Variants in MICOS10 observed in about 807,000 individuals in gnomAD.
MICOS10 encodes MICOS complex subunit MIC10.
A neutral mutation model predicts 13.4 loss-of-function variants in MICOS10; 5 were observed. That is an observed-to-expected ratio of 0.37 (90% CI 0.20 to 0.78). The LOEUF (loss-of-function observed/expected upper bound fraction) is 0.78. Ranked by LOEUF, MICOS10 falls within the 30% of genes least tolerant of loss-of-function variation. MICOS10 has a pLI of 0.47. For synonymous variants in MICOS10, 35 were observed against 33.6 expected (o/e 1.04, Z -0.15); for missense variants, 101 against 94.6 (o/e 1.07, Z -0.28).
intron 1 of MICOS10, among the ~76,000 whole-genome samples, chr1:19,605,259 A>G (rs1471564729): frequency 6.6e-6 from 1 of 152,164 alleles, no homozygotes; most frequent in Non-Finnish European, 1.5e-5. Context: ...TTTTTAAACT[A>G]CTTTGTTGAG....
At chr1:19,624,137 C>T (rs998705356) in intron 3 of MICOS10, among the ~76,000 whole-genome samples, 9 of 151,950 alleles carry the variant, frequency 5.9e-5, no homozygotes, top group South Asian at 2.1e-4. Context: ...CCTGCCACCA[C>T]GCCTGGCTGA....
At chr1:19,626,326 T>C (rs1001606671) in intron 3 of MICOS10, 61 bp from the exon 4 acceptor site, 30 of 1,610,630 alleles carry the variant, frequency 1.9e-5, no homozygotes, top group Non-Finnish European at 2.2e-5. Context: ...GATACAGCAA[T>C]TAGAGAGGGT....
At chr1:19,620,847 G>C (rs1770492) in intron 1 of MICOS10, among the ~76,000 whole-genome samples, 16,643 of 152,160 alleles carry the variant, frequency 0.11, 3,082 homozygotes, top group African/African-American at 0.38. Context: ...TTTTCTCCTT[G>C]GGGGAAAATA....
chr1:19,626,336 T>C (rs904680264), intron 3 of MICOS10, 51 bp from the exon 4 acceptor site: 26 of 1,613,068 alleles, frequency 1.6e-5, no homozygotes, highest in Non-Finnish European at 2.1e-5. Context: ...TTAGAGAGGG[T>C]TGTCAGAATG....
intron 3 of MICOS10, chr1:19,625,542 C>T (rs374926684): frequency 1.4e-5 from 18 of 1,289,418 alleles, no homozygotes; most frequent in African/African-American, 4.5e-5. Flanking sequence ...AGCCGGCAGC[C>T]GGCCTTTTCC....
chr1:19,621,422 G>A (rs868805536), intron 1 of MICOS10, among the ~76,000 whole-genome samples: 101 of 152,298 alleles, frequency 6.6e-4, no homozygotes, highest in African/African-American at 2.3e-3. Context: ...TTTCCCTTGA[G>A]GGGTAGTAAT....
At chr1:19,618,112 CTTT>C (rs113033580) in intron 1 of MICOS10, among the ~76,000 whole-genome samples, 1 of 138,244 alleles carries the variant, frequency 7.2e-6, no homozygotes. Flanking sequence ...TTATACTACA[CTTT>C]TTTTTTTTTT....
At chr1:19,616,838 G>A (rs2094886102) in intron 1 of MICOS10, among the ~76,000 whole-genome samples, 1 of 152,098 alleles carries the variant, frequency 6.6e-6, no homozygotes, top group Admixed American at 6.6e-5. Context: ...TTATAATGTG[G>A]TACACTGCCT....
At chr1:19,608,012 A>T in intron 1 of MICOS10, 1 of 636,052 alleles carries the variant, frequency 1.6e-6, no homozygotes, top group East Asian at 2.6e-5. Flanking sequence ...ATAGAGAAAA[A>T]AATGAGCCTC....
At chr1:19,611,359 G>A (rs2094860521) in intron 1 of MICOS10, among the ~76,000 whole-genome samples, 1 of 151,004 alleles carries the variant, frequency 6.6e-6, no homozygotes, top group African/African-American at 2.4e-5. Context: ...ACATATTACT[G>A]TTTCAATCAC....
At chr1:19,625,749 T>C (rs910949776) in intron 3 of MICOS10, 9 of 1,087,856 alleles carry the variant, frequency 8.3e-6, no homozygotes, top group Non-Finnish European at 1.1e-5. Context: ...GAAAATATTG[T>C]TCCATTTTTT....
chr1:19,626,853 T>C lies in MICOS10; in HGVS notation c.*452T>C. ...TTGCTGCTGCGTGGCCTGATGGAGA[T>C]GACTGATGTCTTAAGGCGCCTTTCC... On this transcript the variant is annotated 3_prime_UTR_variant, in exon 4 of 4. Transcript: ENST00000322753. 5.6e-6 allele frequency: 1 copy of C among 178,814 alleles called. No individual in the cohort carries two copies. The highest frequency in any genetic ancestry group is 1.3e-4 in the South Asian group (1 of 7,434). The allele number at this position is 178,814 out of a possible 1,614,324, so 11.1% of individuals were successfully genotyped here.
At chr1:19,602,899 C>T (rs2094821179) in intron 1 of MICOS10, among the ~76,000 whole-genome samples, 1 of 152,086 alleles carries the variant, frequency 6.6e-6, no homozygotes, top group Admixed American at 6.6e-5. Context: ...GGGCTTGTCA[C>T]CCTGGACTGG....
At chr1:19,613,902 C>T (rs1377652819) in intron 1 of MICOS10, among the ~76,000 whole-genome samples, 5 of 152,106 alleles carry the variant, frequency 3.3e-5, no homozygotes, top group African/African-American at 7.2e-5. Context: ...AGTGACTTCA[C>T]CTTTCTGTGC....
At chr1:19,606,155 G>C (rs1432495397) in intron 1 of MICOS10, among the ~76,000 whole-genome samples, 1 of 152,092 alleles carries the variant, frequency 6.6e-6, no homozygotes, top group Non-Finnish European at 1.5e-5. Context: ...CAGCAGGAGT[G>C]GAAAAGAGAG....
At chr1:19,618,995 G>A (rs145863896) in intron 1 of MICOS10, among the ~76,000 whole-genome samples, 104 of 152,334 alleles carry the variant, frequency 6.8e-4, no homozygotes, top group African/African-American at 2.5e-3. Flanking sequence ...GAATATAGGA[G>A]CCTTGTTGAA....
chr1:19,620,016 G>C (rs2094897657), intron 1 of MICOS10, among the ~76,000 whole-genome samples: 1 of 152,226 alleles, frequency 6.6e-6, no homozygotes, highest in South Asian at 2.1e-4. Context: ...GCTTAAGCTA[G>C]GGAAGGCAAA....
At chr1:19,625,694 G>T in intron 3 of MICOS10, 1 of 1,226,214 alleles carries the variant, frequency 8.2e-7, no homozygotes, top group South Asian at 1.4e-5. Context: ...TGGCTCAGGG[G>T]TGATTATATG....
intron 1 of MICOS10, among the ~76,000 whole-genome samples, chr1:19,601,979 C>CT (rs1255291211): frequency 6.6e-6 from 1 of 152,180 alleles, no homozygotes; most frequent in African/African-American, 2.4e-5. Flanking sequence ...ATTGATAGGT[C>CT]TTTTTTCCTT....
Sources: allele counts gnomAD v4.1 joint callset (sites outside exome capture counted in the v4.1 genomes callset), GRCh38; gene constraint gnomAD v4.1.1; transcripts MANE v1.5; gene names NCBI Gene and HGNC (gene_info 2026-07-23, HGNC 2026-07-21).